Variants in PUS7 observed in about 807,000 individuals in gnomAD.
PUS7 encodes pseudouridylate synthase 7 homolog.
PUS7 carries 48 observed loss-of-function variants against 79.8 expected under a neutral mutation model. The ratio of observed to expected loss-of-function variants is 0.60; its 90% confidence interval spans 0.48 to 0.76. The LOEUF (loss-of-function observed/expected upper bound fraction) is 0.76, where lower values mean the gene tolerates loss of function less well. Ranked by LOEUF, PUS7 falls within the 30% of genes least tolerant of loss-of-function variation. The pLI is 0.00. For synonymous variants in PUS7, 286 were observed against 272.2 expected (o/e 1.05, Z -0.50); for missense variants, 729 against 797.6 (o/e 0.91, Z 1.04).
chr7:105,483,195 A>AGT (rs36004432), intron 7 of PUS7, among the ~76,000 whole-genome samples: 1 of 454 alleles, frequency 2.2e-3, no homozygotes, highest in Non-Finnish European at 3.8e-3. Flanking sequence ...TTTTTGAGAC[A>AGT]GTCTCTCTCT....
intron 1 of PUS7, among the ~76,000 whole-genome samples, chr7:105,518,189 T>TCACAA (rs1825967855): frequency 6.6e-6 from 1 of 151,880 alleles, no homozygotes; most frequent in African/African-American, 2.4e-5. Context: ...GGCATGCACC[T>TCACAA]GTAGTCCCAG....
chr7:105,475,020 C>A (rs1418366294), intron 9 of PUS7, among the ~76,000 whole-genome samples: 4 of 152,194 alleles, frequency 2.6e-5, no homozygotes, highest in Non-Finnish European at 4.4e-5. Context: ...AAAACCTTTG[C>A]CAACACCTGA....
intron 2 of PUS7, 127 bp downstream of exon 2, chr7:105,507,988 T>A: frequency 8.0e-7 from 1 of 1,253,976 alleles, no homozygotes; most frequent in Non-Finnish European, 1.1e-6. Context: ...TTCATCCTAT[T>A]CCTTTTGATC....
chr7:105,519,323 T>G (rs1473602313), intron 1 of PUS7, among the ~76,000 whole-genome samples: 1 of 151,926 alleles, frequency 6.6e-6, no homozygotes, highest in Non-Finnish European at 1.5e-5. Flanking sequence ...AATCTCCACT[T>G]CCAGCGTTCC....
intron 1 of PUS7, among the ~76,000 whole-genome samples, chr7:105,516,847 G>T (rs73190163): frequency 0.14 from 20,851 of 151,964 alleles, 1,857 homozygotes; most frequent in South Asian, 0.26. Flanking sequence ...ATTGCAAAGA[G>T]AAAACAAGCC....
intron 1 of PUS7, among the ~76,000 whole-genome samples, chr7:105,511,545 T>C (rs916086799): frequency 3.7e-4 from 55 of 146,694 alleles, no homozygotes; most frequent in African/African-American, 1.3e-3. Flanking sequence ...GTGGATCACC[T>C]GAGGTCAGAA....
At chr7:105,521,127 T>C (rs934535517) in intron 1 of PUS7, among the ~76,000 whole-genome samples, 1 of 135,112 alleles carries the variant, frequency 7.4e-6, no homozygotes, top group African/African-American at 2.5e-5. Flanking sequence ...ACCAACCCCT[T>C]TTCAATAGTG....
intron 6 of PUS7, among the ~76,000 whole-genome samples, chr7:105,492,742 C>G (rs1335538268): frequency 6.6e-6 from 1 of 151,662 alleles, no homozygotes; most frequent in Non-Finnish European, 1.5e-5. Flanking sequence ...CTCCTGACCT[C>G]GTGATCCGCC....
intron 9 of PUS7, among the ~76,000 whole-genome samples, chr7:105,472,912 C>A (rs891937045): frequency 6.7e-6 from 1 of 149,560 alleles, no homozygotes; most frequent in Non-Finnish European, 1.5e-5. Context: ...TGCCACCTTG[C>A]CCAGCTACTT....
chr7:105,463,697 C>G (rs892896403), intron 13 of PUS7, among the ~76,000 whole-genome samples: 1 of 150,450 alleles, frequency 6.6e-6, no homozygotes, highest in Non-Finnish European at 1.5e-5. Context: ...ACTTGCCCCT[C>G]TATTACAACT....
At chr7:105,499,953 T>C (rs1244397609) in intron 5 of PUS7, among the ~76,000 whole-genome samples, 2 of 152,168 alleles carry the variant, frequency 1.3e-5, no homozygotes, top group African/African-American at 4.8e-5. Flanking sequence ...CCTCCTTTCC[T>C]AGGGGTGTTC....
Position 105,516,103 on chromosome 7 carries a change from C to T in PUS7, c.-33+5949G>A, listed in dbSNP as rs372807337. ...GGATTACAGGCGTGAGCCACCACGCCTGGCCTAATTTTAGTATTTTTAGTA... is the reference window on the plus strand; with the variant it reads ...GGATTACAGGCGTGAGCCACCACGCTTGGCCTAATTTTAGTATTTTTAGTA... On this transcript the variant is annotated intron_variant, in intron 1 of 15. Transcript: ENST00000469408. Among the ~76,000 whole-genome samples, 69 of 152,226 alleles carry T rather than the reference C, an allele frequency of 4.5e-4. No homozygotes were observed. The South Asian group carries it at 0.013, about 29-fold the overall frequency.
intron 14 of PUS7, 73 bp downstream of exon 14, chr7:105,462,548 C>CT: frequency 6.5e-7 from 1 of 1,542,434 alleles, no homozygotes; most frequent in Non-Finnish European, 8.9e-7. Flanking sequence ...GTACATGACT[C>CT]TATATAAAGT....
At chr7:105,495,105 G>T in intron 6 of PUS7, 37 bp downstream of exon 6, 1 of 1,234,104 alleles carries the variant, frequency 8.1e-7, no homozygotes, top group Non-Finnish European at 1.2e-6. Context: ...CGTTTCTGTT[G>T]CTTTGATTTT....
chr7:105,516,240 C>T (rs1264895271), intron 1 of PUS7, among the ~76,000 whole-genome samples: 6 of 152,166 alleles, frequency 3.9e-5, no homozygotes, highest in South Asian at 2.1e-4. Flanking sequence ...CCACCGCACC[C>T]GGCCCAAATT....
In PUS7 at chr7:105,457,711, C is replaced by T. The variant is rs1482674120; in HGVS notation, c.*79G>A. On this transcript the variant is annotated 3_prime_UTR_variant, in exon 16 of 16. Transcript: ENST00000469408. ...AAAGATTTGAAATCCATATATGAGT[C>T]TGAACTAAGACAAAAATGCACAGGG... 7.0e-7 allele frequency: 1 copy of T among 1,437,384 alleles called. No homozygotes were observed. Among genetic ancestry groups the T allele is most frequent in the East Asian group, 2.4e-5 (1 of 42,314 alleles). The allele number at this position is 1,437,384 out of a possible 1,614,324, so 89.0% of individuals were successfully genotyped here.
intron 1 of PUS7, among the ~76,000 whole-genome samples, chr7:105,509,131 C>T (rs1586174858): frequency 8.4e-6 from 1 of 118,920 alleles, no homozygotes; most frequent in Non-Finnish European, 1.6e-5. Context: ...TTGCAGTGAG[C>T]AGAGATCGAG....
At chr7:105,467,186 GCA>G (rs1301745749) in intron 12 of PUS7, among the ~76,000 whole-genome samples, 2 of 151,908 alleles carry the variant, frequency 1.3e-5, no homozygotes, top group Non-Finnish European at 2.9e-5. Context: ...CCAAGGCCTG[GCA>G]CACACAATGG....
intron 6 of PUS7, among the ~76,000 whole-genome samples, chr7:105,493,449 G>C (rs1824877902): frequency 6.6e-6 from 1 of 152,172 alleles, no homozygotes. Flanking sequence ...AGGCATAGTA[G>C]CACAGACTCT....
Sources: gnomAD v4.1 joint callset for allele counts (sites outside exome capture counted in the v4.1 genomes callset) on GRCh38, gnomAD v4.1.1 for gene constraint, MANE v1.5 for transcripts, NCBI Gene and HGNC (gene_info 2026-07-23, HGNC 2026-07-21) for gene names.